Variants in FSHR observed in about 807,000 individuals in gnomAD.
FSHR encodes the protein follicle stimulating hormone receptor, also known as follicle-stimulating hormone receptor.
FSHR carries 46 observed loss-of-function variants against 52.1 expected under a neutral mutation model. The observed-to-expected ratio is 0.88, with a 90% CI of 0.70 to 1.13. FSHR has a LOEUF of 1.13. Among genes scored for constraint, FSHR ranks in the 50% most tolerant of loss-of-function variants. The pLI is 0.00. For missense variants in FSHR, 964 were observed against 834.6 expected (o/e 1.16, Z -1.91); for synonymous variants, 399 against 309.6 (o/e 1.29, Z -3.03).
At chr2:49,058,145 A>G (rs1020345107) in intron 2 of FSHR, among the ~76,000 whole-genome samples, 11 of 152,238 alleles carry the variant, frequency 7.2e-5, no homozygotes, top group African/African-American at 2.7e-4. Context: ...CTTATGTAAC[A>G]TAGTATTGAA....
At chr2:49,130,888 G>A (rs548457508) in intron 1 of FSHR, among the ~76,000 whole-genome samples, 45 of 152,290 alleles carry the variant, frequency 3.0e-4, no homozygotes, top group Middle Eastern at 6.8e-3. Context: ...CAAGAAGGGG[G>A]CTGTTATAGA....
chr2:49,137,309 T>C (rs923215030), intron 1 of FSHR, among the ~76,000 whole-genome samples: 2 of 152,080 alleles, frequency 1.3e-5, no homozygotes, highest in African/African-American at 2.4e-5. Context: ...ACAAAACTTA[T>C]GTCTTGAAAA....
intron 8 of FSHR, among the ~76,000 whole-genome samples, chr2:48,979,876 A>G (rs754216941): frequency 6.6e-6 from 1 of 152,124 alleles, no homozygotes; most frequent in Non-Finnish European, 1.5e-5. Flanking sequence ...CAAGATCAGC[A>G]TGATTTGCAC....
chr2:48,969,119 G>T (rs547045774), intron 8 of FSHR, among the ~76,000 whole-genome samples: 27 of 152,274 alleles, frequency 1.8e-4, no homozygotes, highest in African/African-American at 6.5e-4. Context: ...AGGCCACTCT[G>T]ATTCCTGGAT....
chr2:49,027,337 A>G (rs913412612), intron 2 of FSHR, among the ~76,000 whole-genome samples: 2 of 152,212 alleles, frequency 1.3e-5, no homozygotes, highest in African/African-American at 2.4e-5. Flanking sequence ...AATAAAGTGT[A>G]CCAATTATTT....
chr2:49,017,480 A>T lies in FSHR; in HGVS notation c.374+9T>A. The T allele has an allele frequency of 6.2e-7, 1 of 1,603,798 alleles. No individual in the cohort carries two copies. The highest frequency in any genetic ancestry group is 8.5e-7 in the Non-Finnish European group (1 of 1,171,054). The stretch of plus-strand genomic sequence containing the variant: ...CATAGTGGGGGTACCAAACTACATG[A>T]GTTCTTACAGATATTGAAGGTTGGG... On this transcript the variant is annotated intron_variant, in intron 4 of 9. Coordinates refer to ENST00000406846, the MANE Select transcript of FSHR (RefSeq NM_000145.4).
In FSHR at chr2:48,971,315, A is replaced by T. The variant is rs112075643; in HGVS notation, c.669-2432T>A. ...ATACTGGAGAATAGGTAAAAGTGCA[A>T]ATCTCATCCCTTCTCTGTCTCAGGC... is the stretch of plus-strand genomic sequence containing the variant. On this transcript the variant is annotated intron_variant, in intron 8 of 9. Coordinates refer to ENST00000406846, the MANE Select transcript of FSHR (RefSeq NM_000145.4). Among the ~76,000 whole-genome samples the T allele has an allele frequency of 8.0e-3, 1,213 of 152,248 alleles. 17 individuals carry two copies. Among genetic ancestry groups the T allele is most frequent in the African/African-American group, 0.028 (1,170 of 41,542 alleles).
At position 49,068,265 on chromosome 2, in the gene FSHR, C is replaced by T. The variant is rs370447252; in HGVS notation, c.178G>A (p.Val60Ile). 5 of 1,611,346 alleles carry T rather than the reference C, an allele frequency of 3.1e-6. No homozygotes were observed. The African/African-American group carries it at 5.4e-5, about 17-fold the overall frequency. ...CCTGAAAATGCACCTTTTTGGATGACTCGAAGCTTGGTGAGGACAAACCTC... is the reference window on the plus strand; with the variant it reads ...CCTGAAAATGCACCTTTTTGGATGATTCGAAGCTTGGTGAGGACAAACCTC... ...ELRFVLTKLRVIQKGAFSGFG... is the reference protein window; with the variant it reads ...ELRFVLTKLRIIQKGAFSGFG... Residue 60 changes from valine (V) to isoleucine (I), a missense_variant, in exon 2 of 10, where the codon GTC becomes ATC. Physicochemically the swap from Val to Ile is conservative, Grantham distance 29. Coordinates refer to ENST00000406846, the MANE Select transcript of FSHR (RefSeq NM_000145.4).
At chr2:48,990,465 G>T in intron 5 of FSHR, 101 bp downstream of exon 5, 1 of 828,446 alleles carries the variant, frequency 1.2e-6, no homozygotes, top group South Asian at 1.4e-5. Context: ...CAATACATTT[G>T]GAGGATGTAG....
intron 2 of FSHR, among the ~76,000 whole-genome samples, chr2:49,039,452 C>T (rs1300042226): frequency 6.6e-6 from 1 of 152,194 alleles, no homozygotes; most frequent in Non-Finnish European, 1.5e-5. Context: ...GGGCACAGAG[C>T]AGTATACAAA....
chr2:49,078,288 C>T (rs893318303), intron 1 of FSHR, among the ~76,000 whole-genome samples: 2 of 152,116 alleles, frequency 1.3e-5, no homozygotes, highest in South Asian at 4.1e-4. Flanking sequence ...CTTTTTAAAA[C>T]CATCCGATCT....
At chr2:49,110,945 C>G (rs1671400827) in intron 1 of FSHR, among the ~76,000 whole-genome samples, 1 of 152,128 alleles carries the variant, frequency 6.6e-6, no homozygotes, top group South Asian at 2.1e-4. Context: ...CTAGCCTACC[C>G]TTATTAACAC....
At chr2:49,071,079 A>G (rs1669710080) in intron 1 of FSHR, among the ~76,000 whole-genome samples, 1 of 152,180 alleles carries the variant, frequency 6.6e-6, no homozygotes, top group Non-Finnish European at 1.5e-5. Context: ...GATGTGGAAG[A>G]TGGAATGTAA....
intron 1 of FSHR, among the ~76,000 whole-genome samples, chr2:49,114,980 C>A (rs900015118): frequency 6.6e-6 from 1 of 151,578 alleles, no homozygotes; most frequent in Non-Finnish European, 1.5e-5. Context: ...TTGGTTTAAA[C>A]CATTTGGTTG....
At chr2:49,082,012 T>C (rs1670186646) in intron 1 of FSHR, among the ~76,000 whole-genome samples, 1 of 152,136 alleles carries the variant, frequency 6.6e-6, no homozygotes, top group Non-Finnish European at 1.5e-5. Context: ...AAGTTAAAGT[T>C]AGGCGGAGGA....
intron 2 of FSHR, among the ~76,000 whole-genome samples, chr2:49,041,338 G>A (rs1055594784): frequency 1.3e-5 from 2 of 152,134 alleles, no homozygotes; most frequent in African/African-American, 4.8e-5. Flanking sequence ...ACACGCCTTT[G>A]CTGTTTCTGA....
intron 1 of FSHR, among the ~76,000 whole-genome samples, chr2:49,078,018 C>G (rs1041026987): frequency 2.6e-5 from 4 of 152,232 alleles, no homozygotes; most frequent in African/African-American, 9.6e-5. Context: ...TACCCAGTTC[C>G]AAAGTCACTT....
intron 1 of FSHR, among the ~76,000 whole-genome samples, chr2:49,104,152 C>A (rs866550956): frequency 9.2e-5 from 14 of 152,006 alleles, no homozygotes; most frequent in African/African-American, 3.1e-4. Flanking sequence ...TTAATCTTTG[C>A]GAAATGCTGA....
intron 1 of FSHR, among the ~76,000 whole-genome samples, chr2:49,153,850 G>A (rs539465470): frequency 6.6e-6 from 1 of 152,194 alleles, no homozygotes; most frequent in Admixed American, 6.5e-5. Flanking sequence ...TAGATTCAGT[G>A]TCCTCGGGAG....
Sources: gnomAD v4.1 joint callset for allele counts (sites outside exome capture counted in the v4.1 genomes callset) on GRCh38, gnomAD v4.1.1 for gene constraint, MANE v1.5 for transcripts, NCBI Gene and HGNC (gene_info 2026-07-23, HGNC 2026-07-21) for gene names.